CDH13: variants seen among roughly 807,000 people sequenced by gnomAD.
CDH13 encodes the protein cadherin-13.
Under a neutral mutation model 63.8 loss-of-function variants are expected in CDH13, and 24 were observed. That is an observed-to-expected ratio of 0.38 (90% confidence interval 0.27 to 0.53). CDH13 has a LOEUF of 0.53. Among genes scored for constraint, CDH13 ranks in the 20% least tolerant of loss-of-function variants. The pLI is 0.85. For synonymous variants in CDH13, 503 were observed against 355.3 expected, an observed-to-expected ratio of 1.42 and a Z score of -4.67; for missense variants, 1,049 against 903.1, an observed-to-expected ratio of 1.16 and a Z score of -2.07.
intron 2 of CDH13, among the ~76,000 whole-genome samples, chr16:82,955,568 C>T (rs1283796626): frequency 6.6e-6 from 1 of 151,280 alleles, no homozygotes; most frequent in Non-Finnish European, 1.5e-5. Context: ...ATACAGGTGG[C>T]AGTTCATTAA....
rs556342644 is a variant in CDH13, at chr16:82,942,287, G to A, written c.157+83814G>A. On this transcript the variant is annotated intron_variant, in intron 2 of 13. Coordinates refer to ENST00000567109, the MANE Select transcript of CDH13 (RefSeq NM_001257.5). ...ATGTATTGAGAAGATCACCCTTTCC[G>A]TCACTGAATTGCAGCCATAAATCAA... Among the ~76,000 whole-genome samples, 9 of 152,230 alleles carry A rather than the reference G, an allele frequency of 5.9e-5. No individual in the cohort carries two copies. The East Asian group carries it at 7.7e-4, about 13-fold the overall frequency.
At chr16:82,774,894 T>C (rs977222004) in intron 1 of CDH13, among the ~76,000 whole-genome samples, 1 of 152,334 alleles carries the variant, frequency 6.6e-6, no homozygotes, top group East Asian at 1.9e-4. Flanking sequence ...GCTCTTCCTA[T>C]AGCTGCAGCT....
rs146501746 is a variant in CDH13 at position 82,949,235 on chromosome 16, T to G, written c.158-82775T>G. 4.6e-3 allele frequency among the ~76,000 whole-genome samples: 708 copies of G among 152,308 alleles called. 3 individuals carry two copies. Among genetic ancestry groups the G allele is most frequent in the Non-Finnish European group, 8.3e-3 (567 of 68,006 alleles). ...AGAGTGTCTAGGGGAGGATTCGGCC[T>G]CACCTTTTTTAGGTTCTGGCAGCCC... On this transcript the variant is annotated intron_variant, in intron 2 of 13. Transcript: ENST00000567109.
intron 1 of CDH13, among the ~76,000 whole-genome samples, chr16:82,678,268 T>C (rs1042542963): frequency 3.3e-5 from 5 of 152,164 alleles, no homozygotes; most frequent in Non-Finnish European, 7.3e-5. Context: ...ATATAAATAT[T>C]GCTTTTCTTA....
At chr16:82,632,107 G>A (rs1054213146) in intron 1 of CDH13, among the ~76,000 whole-genome samples, 7 of 152,130 alleles carry the variant, frequency 4.6e-5, no homozygotes, top group African/African-American at 1.2e-4. Context: ...CAACATGGCC[G>A]TACTTGACAG....
At chr16:83,724,178 G>A (rs1431145665) in intron 10 of CDH13, among the ~76,000 whole-genome samples, 1 of 151,210 alleles carries the variant, frequency 6.6e-6, no homozygotes, top group East Asian at 2.0e-4. Flanking sequence ...ATGGGTGAGT[G>A]ATAAATGCAT....
At chr16:82,731,752 A>C (rs935435146) in intron 1 of CDH13, among the ~76,000 whole-genome samples, 1 of 152,256 alleles carries the variant, frequency 6.6e-6, no homozygotes, top group Non-Finnish European at 1.5e-5. Flanking sequence ...TACAATTTAC[A>C]ATATAGAAAA....
At chr16:83,763,821 A>G (rs1346344237) in intron 11 of CDH13, among the ~76,000 whole-genome samples, 2 of 152,196 alleles carry the variant, frequency 1.3e-5, no homozygotes, top group Non-Finnish European at 2.9e-5. Flanking sequence ...AAATGGCCCA[A>G]TAAAAGAACT....
intron 2 of CDH13, among the ~76,000 whole-genome samples, chr16:83,020,024 C>T (rs12599326): frequency 0.22 from 32,720 of 152,008 alleles, 4,359 homozygotes; most frequent in Non-Finnish European, 0.29. Context: ...ATGCATTGCA[C>T]TCTGACGTTA....
Position 82,720,728 on chromosome 16 carries a change from C to A in CDH13, c.45+93591C>A, listed in dbSNP as rs541061952. ...AATAAAACAACATTGAAGAAAACAG[C>A]ATTATATGATGTCTGGATGTATTTA... On this transcript the variant is annotated intron_variant, in intron 1 of 13. Coordinates refer to ENST00000567109, the MANE Select transcript of CDH13 (RefSeq NM_001257.5). Among the ~76,000 whole-genome samples, 41 of 151,948 alleles carry A rather than the reference C, an allele frequency of 2.7e-4. 2 individuals are homozygous for A. In the South Asian group the frequency reaches 8.5e-3, roughly 32 times the overall value.
intron 11 of CDH13, among the ~76,000 whole-genome samples, chr16:83,752,959 C>T (rs1359860409): frequency 6.6e-6 from 1 of 152,100 alleles, no homozygotes; most frequent in East Asian, 1.9e-4. Context: ...ACTCTGTTAA[C>T]GCTAATATCA....
At position 83,310,601 on chromosome 16, in the gene CDH13, C is replaced by G. The variant is rs555246985; in HGVS notation, c.637-34261C>G. 3.9e-5 allele frequency among the ~76,000 whole-genome samples: 6 copies of G among 152,316 alleles called. No individual in the cohort carries two copies. In the East Asian group the frequency reaches 1.2e-3, roughly 29 times the overall value. On this transcript the variant is annotated intron_variant, in intron 5 of 13. Coordinates refer to ENST00000567109, the MANE Select transcript of CDH13 (RefSeq NM_001257.5). ...AGGTCCTTCACACGTACCTGGCCAG[C>G]TCCCACCTTTCTGCCTTTGCTCACT...
chr16:83,258,752 C>T (rs1345157609), intron 5 of CDH13, among the ~76,000 whole-genome samples: 1 of 152,176 alleles, frequency 6.6e-6, no homozygotes, highest in African/African-American at 2.4e-5. Context: ...TGGTGTCAGA[C>T]ATTCTGCTCT....
intron 2 of CDH13, among the ~76,000 whole-genome samples, chr16:82,961,738 A>G (rs781364149): frequency 6.6e-6 from 1 of 152,190 alleles, no homozygotes; most frequent in Non-Finnish European, 1.5e-5. Flanking sequence ...GTACTGTGCT[A>G]ATTGATCCTG....
At position 83,575,035 on chromosome 16, in the gene CDH13, G is replaced by A. The variant is rs573314453; in HGVS notation, c.961-27419G>A. 2.6e-5 allele frequency among the ~76,000 whole-genome samples: 4 copies of A among 152,156 alleles called. No homozygotes were observed. In the South Asian group the frequency reaches 8.3e-4, roughly 32 times the overall value. On this transcript the variant is annotated intron_variant, in intron 7 of 13. Transcript: ENST00000567109. ...ATGAATTCATAAACAAAATGGGCCTGTCCATACAATAGAATATTATTTGGC... is the reference window on the plus strand; with the variant it reads ...ATGAATTCATAAACAAAATGGGCCTATCCATACAATAGAATATTATTTGGC...
At chr16:82,633,190 G>T (rs1441850832) in intron 1 of CDH13, among the ~76,000 whole-genome samples, 1 of 152,226 alleles carries the variant, frequency 6.6e-6, no homozygotes, top group Non-Finnish European at 1.5e-5. Context: ...TCTACCAAGA[G>T]CATGGCTGTC....
chr16:82,652,994 A>G (rs1910904545), intron 1 of CDH13, among the ~76,000 whole-genome samples: 1 of 152,222 alleles, frequency 6.6e-6, no homozygotes. Flanking sequence ...GTTGGGGGTA[A>G]ACAGGCGACC....
intron 7 of CDH13, among the ~76,000 whole-genome samples, chr16:83,495,318 C>G (rs1455360533): frequency 6.6e-6 from 1 of 152,046 alleles, no homozygotes; most frequent in Non-Finnish European, 1.5e-5. Flanking sequence ...TAGGTGGATT[C>G]AAATATTTTG....
intron 6 of CDH13, among the ~76,000 whole-genome samples, chr16:83,365,269 G>A (rs1273798993): frequency 6.6e-6 from 1 of 152,208 alleles, no homozygotes; most frequent in African/African-American, 2.4e-5. Flanking sequence ...GAAGGCTGGA[G>A]TGGACTGATG....
Sources: gnomAD v4.1 joint callset for allele counts (sites outside exome capture counted in the v4.1 genomes callset) on GRCh38, gnomAD v4.1.1 for gene constraint, MANE v1.5 for transcripts, NCBI Gene and HGNC (gene_info 2026-07-23, HGNC 2026-07-21) for gene names.